The following GALNTL6 variants were observed in gnomAD, a reference collection of about 807,000 sequenced individuals.
GALNTL6 encodes polypeptide N-acetylgalactosaminyltransferase-like 6.
Under a neutral mutation model 73.7 loss-of-function variants are expected in GALNTL6, and 46 were observed. The observed-to-expected ratio is 0.62, with a 90% confidence interval of 0.49 to 0.80. The LOEUF is 0.80. GALNTL6 is among the 30% of genes least tolerant of loss of function. GALNTL6 has a pLI of 0.00. For synonymous variants in GALNTL6, 259 were observed against 263.7 expected, an observed-to-expected ratio of 0.98 and a Z score of 0.17; for missense variants, 604 against 755.0, an observed-to-expected ratio of 0.80 and a Z score of 2.34.
At chr4:172,162,038 C>T (rs1181229099) in intron 2 of GALNTL6, among the ~76,000 whole-genome samples, 2 of 151,898 alleles carry the variant, frequency 1.3e-5, no homozygotes, top group East Asian at 3.9e-4. Context: ...AGAGCATCAA[C>T]GAAGTCGTAC....
intron 5 of GALNTL6, among the ~76,000 whole-genome samples, chr4:172,610,626 A>T (rs1579240716): frequency 1.3e-5 from 2 of 151,916 alleles, no homozygotes; most frequent in East Asian, 3.9e-4. Context: ...TCAATTTTAG[A>T]TTATGTATAT....
At chr4:172,382,058 C>A (rs536549746) in intron 5 of GALNTL6, among the ~76,000 whole-genome samples, 1 of 152,304 alleles carries the variant, frequency 6.6e-6, no homozygotes, top group African/African-American at 2.4e-5. Flanking sequence ...CAACTTCCAC[C>A]TCCTGGGTTC....
chr4:171,988,053 A>G, intron 2 of GALNTL6, among the ~76,000 whole-genome samples: 1 of 152,174 alleles, frequency 6.6e-6, no homozygotes, highest in Non-Finnish European at 1.5e-5. Context: ...AAATGTAGAG[A>G]GTGAGTTGAG....
At chr4:172,404,138 G>C (rs1476378619) in intron 5 of GALNTL6, among the ~76,000 whole-genome samples, 1 of 151,846 alleles carries the variant, frequency 6.6e-6, no homozygotes, top group African/African-American at 2.4e-5. Context: ...ACACAGAGAA[G>C]CATGCCCTAA....
intron 2 of GALNTL6, among the ~76,000 whole-genome samples, chr4:172,058,392 C>T (rs181038111): frequency 6.9e-4 from 105 of 152,164 alleles, no homozygotes; most frequent in Non-Finnish European, 1.3e-3. Context: ...TCGAAAAATA[C>T]GAACTTTGCC....
chr4:172,575,152 G>A (rs1179861480), intron 5 of GALNTL6, among the ~76,000 whole-genome samples: 4 of 152,142 alleles, frequency 2.6e-5, no homozygotes, highest in African/African-American at 7.2e-5. Context: ...TTCATGACAT[G>A]CGTATTACAT....
intron 7 of GALNTL6, among the ~76,000 whole-genome samples, chr4:172,822,890 G>C (rs936264083): frequency 1.3e-5 from 2 of 152,094 alleles, no homozygotes; most frequent in Non-Finnish European, 2.9e-5. Flanking sequence ...GTAATTTGCT[G>C]TGTCCCTTCC....
intron 2 of GALNTL6, among the ~76,000 whole-genome samples, chr4:172,142,184 G>A (rs889920712): frequency 1.3e-5 from 2 of 151,820 alleles, no homozygotes; most frequent in African/African-American, 4.8e-5. Flanking sequence ...TAAAAAGCAT[G>A]GTTTATTTTA....
At chr4:172,052,596 G>A in intron 2 of GALNTL6, 1 of 1,067,072 alleles carries the variant, frequency 9.4e-7, no homozygotes, top group Non-Finnish European at 1.3e-6. Context: ...TCGTCTCATG[G>A]ACGCTTGTTG....
intron 2 of GALNTL6, among the ~76,000 whole-genome samples, chr4:172,042,980 T>A (rs1437773437): frequency 2.0e-5 from 3 of 147,074 alleles, no homozygotes; most frequent in African/African-American, 7.5e-5. Context: ...CTCTCCAAAA[T>A]CTGGCTTTTG....
At chr4:172,171,382 G>A (rs761748073) in intron 2 of GALNTL6, among the ~76,000 whole-genome samples, 18 of 152,018 alleles carry the variant, frequency 1.2e-4, no homozygotes, top group South Asian at 4.2e-4. Context: ...ATAATTTCAC[G>A]TGACATAAAC....
chr4:172,572,797 T>C (rs1736814415), intron 5 of GALNTL6, among the ~76,000 whole-genome samples: 1 of 152,180 alleles, frequency 6.6e-6, no homozygotes, highest in Non-Finnish European at 1.5e-5. Context: ...ATAGGAATGA[T>C]TTAATTATAT....
intron 2 of GALNTL6, among the ~76,000 whole-genome samples, chr4:171,873,805 A>G (rs1490943469): frequency 6.6e-6 from 1 of 152,140 alleles, no homozygotes. Flanking sequence ...GTACTTAACT[A>G]TACTTTTACC....
At chr4:172,993,728 G>T (rs1372783857) in intron 10 of GALNTL6, among the ~76,000 whole-genome samples, 2 of 152,090 alleles carry the variant, frequency 1.3e-5, no homozygotes, top group Non-Finnish European at 2.9e-5. Context: ...TTATTTTCAG[G>T]GAGAAATAAT....
At chr4:171,976,126 T>C (rs1739714922) in intron 2 of GALNTL6, among the ~76,000 whole-genome samples, 1 of 152,196 alleles carries the variant, frequency 6.6e-6, no homozygotes, top group Non-Finnish European at 1.5e-5. Flanking sequence ...TTTCACCATG[T>C]TGTCCAGGCT....
intron 5 of GALNTL6, among the ~76,000 whole-genome samples, chr4:172,697,552 T>C (rs1733770232): frequency 6.6e-6 from 1 of 152,086 alleles, no homozygotes; most frequent in South Asian, 2.1e-4. Context: ...AAGTGAACAA[T>C]TGGAGGAAAG....
intron 2 of GALNTL6, among the ~76,000 whole-genome samples, chr4:172,167,275 C>T (rs774775132): frequency 8.5e-5 from 13 of 152,142 alleles, no homozygotes; most frequent in Admixed American, 3.9e-4. Context: ...TACGGGGACC[C>T]ATTAGCTGTT....
rs1056831336 is a variant in GALNTL6 at position 172,003,690 on chromosome 4, C to T, written c.138+188972C>T. On this transcript the variant is annotated intron_variant, in intron 2 of 12. Coordinates refer to ENST00000506823, the MANE Select transcript of GALNTL6 (RefSeq NM_001034845.3). ...TAATTTCATCACCCCTTCGAAAGAC[C>T]GTTTGGGCTCTAAAATGGTTACATA... Among the ~76,000 whole-genome samples the T allele has an allele frequency of 3.3e-5, 5 of 152,012 alleles. No homozygotes were observed. In the East Asian group the frequency reaches 5.8e-4, roughly 18 times the overall value.
chr4:172,459,515 G>A (rs1732532673), intron 5 of GALNTL6, among the ~76,000 whole-genome samples: 1 of 152,182 alleles, frequency 6.6e-6, no homozygotes, highest in Non-Finnish European at 1.5e-5. Flanking sequence ...CTTCAGCAAA[G>A]TCTCAGGATA....
Sources: gnomAD v4.1 joint callset for allele counts (sites outside exome capture counted in the v4.1 genomes callset) on GRCh38, gnomAD v4.1.1 for gene constraint, MANE v1.5 for transcripts, NCBI Gene and HGNC (gene_info 2026-07-23, HGNC 2026-07-21) for gene names.